Variants in ADCY2 observed in about 807,000 individuals in gnomAD.
ADCY2 encodes the protein adenylate cyclase 2.
ADCY2 carries 31 observed loss-of-function variants against 125.2 expected under a neutral mutation model. The observed-to-expected ratio is 0.25, with a 90% CI of 0.19 to 0.33. The LOEUF (loss-of-function observed/expected upper bound fraction) is 0.33, where lower values mean the gene tolerates loss of function less well. Ranked by LOEUF, ADCY2 falls within the 10% of genes least tolerant of loss-of-function variation. ADCY2 has a pLI of 1.00. For missense variants in ADCY2, 904 were observed against 1,418.2 expected (o/e 0.64, Z 5.82); for synonymous variants, 512 against 548.4 (o/e 0.93, Z 0.93).
At chr5:7,401,140 C>G (rs1404184399) in intron 1 of ADCY2, among the ~76,000 whole-genome samples, 2 of 152,146 alleles carry the variant, frequency 1.3e-5, no homozygotes, top group Non-Finnish European at 2.9e-5. Context: ...AAGCTGATGT[C>G]CTCAATTAGT....
intron 3 of ADCY2, among the ~76,000 whole-genome samples, chr5:7,526,319 G>C (rs566009162): frequency 1.1e-3 from 166 of 152,338 alleles, no homozygotes; most frequent in African/African-American, 3.7e-3. Flanking sequence ...AAAAGGGAAG[G>C]CTGGGAAGGG....
intron 3 of ADCY2, among the ~76,000 whole-genome samples, chr5:7,581,675 G>A (rs1375761988): frequency 4.7e-5 from 7 of 149,360 alleles, no homozygotes; most frequent in East Asian, 2.0e-4. Context: ...AAAAAAAATC[G>A]CTGGGTTTGG....
At chr5:7,581,923 C>G (rs1736450799) in intron 3 of ADCY2, among the ~76,000 whole-genome samples, 1 of 151,988 alleles carries the variant, frequency 6.6e-6, no homozygotes, top group Non-Finnish European at 1.5e-5. Context: ...AGCCCTAAAT[C>G]TAACCATGTG....
intron 3 of ADCY2, among the ~76,000 whole-genome samples, chr5:7,540,494 C>T (rs1734959804): frequency 6.6e-6 from 1 of 152,268 alleles, no homozygotes; most frequent in South Asian, 2.1e-4. Flanking sequence ...TCTGAACATC[C>T]TCTGCTGGAT....
At chr5:7,666,514 C>CT (rs1215923150) in intron 4 of ADCY2, among the ~76,000 whole-genome samples, 3 of 152,148 alleles carry the variant, frequency 2.0e-5, no homozygotes, top group Non-Finnish European at 4.4e-5. Flanking sequence ...ATGATCCGAC[C>CT]GCCTCGGCCT....
At chr5:7,609,661 A>C (rs1181520380) in intron 3 of ADCY2, among the ~76,000 whole-genome samples, 1 of 152,252 alleles carries the variant, frequency 6.6e-6, no homozygotes, top group African/African-American at 2.4e-5. Flanking sequence ...CATGAAAGAC[A>C]GACAATAAGC....
chr5:7,775,819 C>A (rs555720376), intron 18 of ADCY2, among the ~76,000 whole-genome samples: 1 of 152,362 alleles, frequency 6.6e-6, no homozygotes, highest in South Asian at 2.1e-4. Context: ...ACTTCTTGAA[C>A]TGATCCCTGA....
chr5:7,413,344 G>A (rs1224445439), intron 1 of ADCY2, among the ~76,000 whole-genome samples: 1 of 152,054 alleles, frequency 6.6e-6, no homozygotes, highest in Admixed American at 6.5e-5. Context: ...GCCCAGGCTG[G>A]AGTGCAGTGG....
At chr5:7,578,896 T>C (rs1190677156) in intron 3 of ADCY2, among the ~76,000 whole-genome samples, 1 of 152,016 alleles carries the variant, frequency 6.6e-6, no homozygotes, top group Non-Finnish European at 1.5e-5. Flanking sequence ...CTAGTTTGAG[T>C]AATGGGAACC....
At chr5:7,537,782 C>G (rs1734862756) in intron 3 of ADCY2, among the ~76,000 whole-genome samples, 2 of 152,242 alleles carry the variant, frequency 1.3e-5, no homozygotes, top group Admixed American at 1.3e-4. Flanking sequence ...CATGGCCCTG[C>G]AGCCTCCACA....
At position 7,820,681 on chromosome 5, in the gene ADCY2, A is replaced by C; in HGVS notation, c.3115A>C (p.Lys1039Gln). 1 of 1,613,652 alleles carries C rather than the reference A, an allele frequency of 6.2e-7. No individual in the cohort carries two copies. The highest frequency in any genetic ancestry group is 2.2e-5 in the East Asian group (1 of 44,858). The part of the protein sequence containing the change: ...SRMDSTGVLD[K>Q]IQVTEETSLV... The stretch of plus-strand genomic sequence containing the variant: ...GATGGACAGCACCGGAGTCCTGGAC[A>C]AAATACAGGTAATGCAGAGTGTGGT... The change falls in exon 24 of 25, where the codon AAA (lysine) becomes CAA (glutamine). Residue 1039 changes from lysine (K) to glutamine (Q), a missense_variant. Transcript: ENST00000338316.
chr5:7,676,738 C>A (rs970344193), intron 4 of ADCY2, among the ~76,000 whole-genome samples: 3 of 152,184 alleles, frequency 2.0e-5, no homozygotes, highest in African/African-American at 7.2e-5. Flanking sequence ...ACCCTATGTC[C>A]TCCTAGAAGG....
intron 3 of ADCY2, among the ~76,000 whole-genome samples, chr5:7,611,869 C>G (rs1485996172): frequency 6.6e-6 from 1 of 152,168 alleles, no homozygotes; most frequent in Non-Finnish European, 1.5e-5. Flanking sequence ...ATCCAAAGCT[C>G]ATCTAGGCAC....
intron 4 of ADCY2, among the ~76,000 whole-genome samples, chr5:7,639,618 C>A (rs1738625037): frequency 6.6e-6 from 1 of 152,210 alleles, no homozygotes; most frequent in African/African-American, 2.4e-5. Context: ...TCTATCTTTT[C>A]TAAATTGTAT....
At chr5:7,706,997 A>G in intron 8 of ADCY2, 95 bp downstream of exon 8, 1 of 1,473,560 alleles carries the variant, frequency 6.8e-7, no homozygotes. Flanking sequence ...GTTTTTGATC[A>G]CTTCTGTTGC....
intron 2 of ADCY2, among the ~76,000 whole-genome samples, chr5:7,469,550 A>C (rs961085755): frequency 9.2e-5 from 14 of 151,972 alleles, no homozygotes; most frequent in African/African-American, 3.4e-4. Flanking sequence ...ATTTCATAGA[A>C]TAAAATTCTG....
At chr5:7,728,465 T>A (rs1742000383) in intron 14 of ADCY2, among the ~76,000 whole-genome samples, 1 of 152,224 alleles carries the variant, frequency 6.6e-6, no homozygotes, top group Admixed American at 6.5e-5. Flanking sequence ...GTGTAATACA[T>A]AGACCAAAGG....
chr5:7,508,691 C>T (rs908252419), intron 2 of ADCY2, among the ~76,000 whole-genome samples: 6 of 152,200 alleles, frequency 3.9e-5, no homozygotes, highest in Non-Finnish European at 7.3e-5. Flanking sequence ...GCACACTTCA[C>T]CTGCCGGCTT....
rs869287430 is a variant in ADCY2, at chr5:7,418,647, GTTTTTTTT to G, written c.408+3896_408+3903del. The stretch of plus-strand genomic sequence containing the variant: ...AATTAAAAACAAAAGTCTACCTTCT[GTTTTTTTT>G]TTTTTTTTTTTTTTTTTTGAGACTG... On this transcript the variant is annotated intron_variant, in intron 2 of 24. Coordinates refer to ENST00000338316, the MANE Select transcript of ADCY2 (RefSeq NM_020546.3). Among the ~76,000 whole-genome samples the G allele has an allele frequency of 5.0e-3, 371 of 73,752 alleles. 2 individuals carry two copies. Among genetic ancestry groups the G allele is most frequent in the African/African-American group, 0.022 (353 of 16,056 alleles). The allele number at this position is 73,752 out of a possible 152,430, so 48.4% of individuals were successfully genotyped here.
Sources: gnomAD v4.1 joint callset for allele counts (sites outside exome capture counted in the v4.1 genomes callset) on GRCh38, gnomAD v4.1.1 for gene constraint, MANE v1.5 for transcripts, NCBI Gene and HGNC (gene_info 2026-07-23, HGNC 2026-07-21) for gene names.